The following KLRC1 variants were observed in gnomAD, a reference collection of about 807,000 sequenced individuals.
KLRC1 encodes killer cell lectin like receptor C1.
In KLRC1, 22 loss-of-function variants were observed where a neutral mutation model predicts 25.9. The ratio of observed to expected loss-of-function variants is 0.85; its 90% confidence interval spans 0.61 to 1.21. The LOEUF is 1.21. Among genes scored for constraint, KLRC1 ranks in the 50% most tolerant of loss-of-function variants. KLRC1 has a pLI of 0.00. For synonymous variants in KLRC1, 77 were observed against 93.1 expected (o/e 0.83, Z 0.99); for missense variants, 240 against 272.2 (o/e 0.88, Z 0.83).
Position 10,450,592 on chromosome 12 carries a change from A to C in KLRC1, c.188-13T>G, listed in dbSNP as rs759981658. On this transcript the variant is annotated splice_polypyrimidine_tract_variant and intron_variant, in intron 2 of 6. Transcript: ENST00000359151. The stretch of plus-strand genomic sequence containing the variant: ...GCTGATGGTAAATCTGCAGGGAGAG[A>C]AATGGGAACAGTGCGAAAGGAGAGG... 2.6e-6 allele frequency: 4 copies of C among 1,530,510 alleles called. No homozygotes were observed. In the East Asian group the frequency reaches 6.7e-5, roughly 26 times the overall value. The allele number at this position is 1,530,510 out of a possible 1,614,324, so 94.8% of individuals were successfully genotyped here. A position where few individuals can be genotyped will look rare whatever the true frequency, so the allele number is the denominator to read the frequency against.
downstream of KLRC1, among the ~76,000 whole-genome samples, chr12:10,443,859 A>C (rs138576628): frequency 7.2e-6 from 1 of 139,186 alleles, no homozygotes; most frequent in Non-Finnish European, 1.5e-5. Context: ...TACCAAATAA[A>C]TAACATATAA....
In KLRC1 at chr12:10,453,224, C is replaced by G; in HGVS notation, c.-58G>C. ...TTCTGTCCCCAGAAAGTCACACATCCTTTAGTGGAGAGGCCAGGTTAGTCT... is the reference window on the plus strand; with the variant it reads ...TTCTGTCCCCAGAAAGTCACACATCGTTTAGTGGAGAGGCCAGGTTAGTCT... On this transcript the variant is annotated 5_prime_UTR_variant, in exon 1 of 7. Coordinates refer to ENST00000359151, the MANE Select transcript of KLRC1 (RefSeq NM_002259.5). 6 of 985,308 alleles carry G rather than the reference C, an allele frequency of 6.1e-6. No individual in the cohort carries two copies. Among genetic ancestry groups the G allele is most frequent in the Non-Finnish European group, 7.2e-6 (6 of 829,900 alleles). 61.0% of individuals were successfully genotyped at this position (985,308 alleles called of 1,614,324 possible).
At chr12:10,445,198 A>G (rs551338494), downstream of KLRC1, among the ~76,000 whole-genome samples, 6 of 152,210 alleles carry the variant, frequency 3.9e-5, no homozygotes, top group South Asian at 2.1e-4. Flanking sequence ...GATTACAGAC[A>G]TCAGCCACCA....
intron 6 of KLRC1, 128 bp downstream of exon 6, chr12:10,447,404 G>A (rs36044148): frequency 4.9e-6 from 4 of 819,494 alleles, no homozygotes; most frequent in African/African-American, 3.5e-5. Context: ...AAATATTTAT[G>A]TCAGCATTTC....
chr12:10,445,912 A>G (rs1464562875), downstream of KLRC1: 1 of 152,106 alleles, frequency 6.6e-6, no homozygotes, highest in Non-Finnish European at 1.5e-5. Flanking sequence ...TAAAGATAAC[A>G]CAGTACATTG....
chr12:10,448,460 ACC>A (rs1224364001), intron 5 of KLRC1, among the ~76,000 whole-genome samples: 1 of 152,170 alleles, frequency 6.6e-6, no homozygotes. Context: ...GAGACTTGCT[ACC>A]AATACAGCCA....
chr12:10,443,583 T>C (rs1385308621), downstream of KLRC1, among the ~76,000 whole-genome samples: 14 of 141,828 alleles, frequency 9.9e-5, 3 homozygotes, highest in African/African-American at 3.5e-4. Flanking sequence ...TTTAAACCCT[T>C]TTCTCTCAGT....
intron 6 of KLRC1, 131 bp from the exon 7 acceptor site, chr12:10,446,793 G>T (rs1192461518): frequency 8.6e-7 from 1 of 1,156,326 alleles, no homozygotes; most frequent in East Asian, 2.6e-5. Flanking sequence ...ATATTAGTAA[G>T]AGTCATTATT....
chr12:10,453,535 G>A (rs1415673465), upstream of KLRC1, among the ~76,000 whole-genome samples: 1 of 151,272 alleles, frequency 6.6e-6, no homozygotes, highest in African/African-American at 2.4e-5. Flanking sequence ...GTGTCATTTA[G>A]TTGGTTCATT....
chr12:10,447,624 C>A lies in KLRC1; in HGVS notation c.498G>T (p.Leu166=). Residue 166 remains leucine, a synonymous_variant, in exon 6 of 7, where the codon CTG becomes CTT. Transcript: ENST00000359151. The part of the protein sequence containing the change: ...SIDNEEEMKF[L]SIISPSSWIG... ...TCCATGAGGATGGTGAAATGATGGA[C>A]AGAAATTTCTAAAAGAAAAGAAAGA... 6.3e-7 allele frequency: 1 copy of A among 1,598,902 alleles called. No individual in the cohort carries two copies. The highest frequency in any genetic ancestry group is 1.2e-5 in the South Asian group (1 of 86,852).
chr12:10,453,659 C>T (rs1430045912), upstream of KLRC1, among the ~76,000 whole-genome samples: 2 of 151,904 alleles, frequency 1.3e-5, no homozygotes, highest in Non-Finnish European at 2.9e-5. Context: ...ACATTGCATA[C>T]TTCTTTTCTT....
downstream of KLRC1, among the ~76,000 whole-genome samples, chr12:10,443,221 T>C (rs1190413850): frequency 7.1e-6 from 1 of 141,532 alleles, no homozygotes. Flanking sequence ...CATGATGTCA[T>C]TATTATGCAC....
At chr12:10,450,440 A>T in intron 3 of KLRC1, 44 bp downstream of exon 3, 2 of 1,064,626 alleles carry the variant, frequency 1.9e-6, no homozygotes, top group Non-Finnish European at 2.9e-6. Flanking sequence ...ACATTCAATC[A>T]TTAACGTGAA....
chr12:10,451,759 T>C (rs181980478), intron 1 of KLRC1, among the ~76,000 whole-genome samples: 17 of 152,280 alleles, frequency 1.1e-4, no homozygotes, highest in African/African-American at 4.1e-4. Context: ...TAAAAATATA[T>C]TTCTTAAAGT....
chr12:10,449,556 C>G (rs953116633), intron 4 of KLRC1, among the ~76,000 whole-genome samples, 168 bp from the exon 5 acceptor site: 1 of 152,084 alleles, frequency 6.6e-6, no homozygotes, highest in Non-Finnish European at 1.5e-5. Context: ...TACACACATG[C>G]GCAATAAAGG....
chr12:10,453,332 A>G lies in KLRC1; in HGVS notation c.-166T>C. 3 of 985,420 alleles carry G rather than the reference A, an allele frequency of 3.0e-6. No individual in the cohort carries two copies. Among genetic ancestry groups the G allele is most frequent in the Non-Finnish European group, 3.6e-6 (3 of 829,910 alleles). The allele number at this position is 985,420 out of a possible 1,614,324, so 61.0% of individuals were successfully genotyped here. Reference sequence around the variant, plus strand: ...AAGACAAGAACAAACAATGCCTGCAATCTTCGCAGACTGCCCTGTGAAGGC... The same window carrying G: ...AAGACAAGAACAAACAATGCCTGCAGTCTTCGCAGACTGCCCTGTGAAGGC... On this transcript the variant is annotated 5_prime_UTR_variant, in exon 1 of 7. Transcript: ENST00000359151.
downstream of KLRC1, among the ~76,000 whole-genome samples, chr12:10,445,700 A>G (rs1401559860): frequency 1.3e-5 from 2 of 152,198 alleles, no homozygotes; most frequent in African/African-American, 4.8e-5. Context: ...AGTTGACATA[A>G]TAGATTTACA....
In KLRC1 at chr12:10,450,582, G is replaced by T; in HGVS notation, c.188-3C>A. The T allele has an allele frequency of 1.3e-6, 2 of 1,582,644 alleles. No homozygotes were observed. Among genetic ancestry groups the T allele is most frequent in the South Asian group, 1.1e-5 (1 of 90,404 alleles). ...CTTCTCTGGAGCTGATGGTAAATCT[G>T]CAGGGAGAGAAATGGGAACAGTGCG... On this transcript the variant is annotated splice_region_variant and splice_polypyrimidine_tract_variant and intron_variant, in intron 2 of 6. Transcript: ENST00000359151.
rs777839485 is a variant in KLRC1 at position 10,446,609 on chromosome 12, C to T, written c.644G>A (p.Arg215Gln). 2.4e-5 allele frequency: 38 copies of T among 1,613,760 alleles called. No homozygotes were observed. The highest frequency in any genetic ancestry group is 3.3e-5 in the Admixed American group (2 of 59,986). Residue 215 changes from arginine to glutamine, a missense_variant, in exon 7 of 7, where the codon CGA becomes CAA. Arg to Gln is a conservative substitution (Grantham distance 43, BLOSUM62 1). Coordinates refer to ENST00000359151, the MANE Select transcript of KLRC1 (RefSeq NM_002259.5). ...ELNCAVLQVN[R>Q]LKSAQCGSSI... is the part of the protein sequence containing the mutation. ...AGATCCACACTGGGCTGATTTAAGT[C>T]GATTTACTTGTAGCACTGCACAGTT...
Sources: gnomAD v4.1 joint callset for allele counts (sites outside exome capture counted in the v4.1 genomes callset) on GRCh38, gnomAD v4.1.1 for gene constraint, MANE v1.5 for transcripts, NCBI Gene and HGNC (gene_info 2026-07-23, HGNC 2026-07-21) for gene names.